LAMA2: variants seen among roughly 807,000 people sequenced by gnomAD.
LAMA2 encodes the protein laminin subunit alpha 2, also known as laminin subunit alpha-2.
LAMA2 carries 269 observed loss-of-function variants against 364.8 expected under a neutral mutation model. That is an observed-to-expected ratio of 0.74 (90% confidence interval 0.67 to 0.82). The LOEUF is 0.82. Ranked by LOEUF, LAMA2 falls within the 40% of genes least tolerant of loss-of-function variation. LAMA2 has a pLI of 0.00. For synonymous variants in LAMA2, 1,379 were observed against 1,370.6 expected (o/e 1.01, Z -0.14); for missense variants, 3,807 against 3,873.2 (o/e 0.98, Z 0.45).
intron 1 of LAMA2, among the ~76,000 whole-genome samples, chr6:129,037,830 T>C (rs538717561): frequency 3.9e-4 from 59 of 152,110 alleles, no homozygotes; most frequent in Admixed American, 1.7e-3. Flanking sequence ...CCACCACACC[T>C]GGCTAATTTT....
intron 14 of LAMA2, among the ~76,000 whole-genome samples, chr6:129,257,971 T>G (rs1038279625): frequency 2.0e-5 from 3 of 152,106 alleles, no homozygotes; most frequent in African/African-American, 4.8e-5. Context: ...ATTTATTATT[T>G]AAGTATTTAG....
At chr6:128,923,256 G>A (rs1778857254) in intron 1 of LAMA2, among the ~76,000 whole-genome samples, 1 of 151,600 alleles carries the variant, frequency 6.6e-6, no homozygotes, top group South Asian at 2.1e-4. Flanking sequence ...AAAGTCATTG[G>A]TAGCTTGATG....
At chr6:128,989,957 C>T (rs1783504000) in intron 1 of LAMA2, among the ~76,000 whole-genome samples, 1 of 152,086 alleles carries the variant, frequency 6.6e-6, no homozygotes, top group African/African-American at 2.4e-5. Context: ...TGGTCACCTC[C>T]CTAAAGCCCC....
chr6:128,977,366 C>A (rs1782600038), intron 1 of LAMA2, among the ~76,000 whole-genome samples: 1 of 150,338 alleles, frequency 6.7e-6, no homozygotes, highest in African/African-American at 2.5e-5. Flanking sequence ...CTCAAGCAAT[C>A]CTTCCACCTC....
chr6:128,975,123 A>T (rs937874113), intron 1 of LAMA2, among the ~76,000 whole-genome samples: 1 of 152,168 alleles, frequency 6.6e-6, no homozygotes, highest in Non-Finnish European at 1.5e-5. Context: ...AAGTGCTGGG[A>T]TTACAGGCCT....
At chr6:129,293,173 C>T in intron 20 of LAMA2, 1 of 692,170 alleles carries the variant, frequency 1.4e-6, no homozygotes. Context: ...GCTAAGTGTG[C>T]AAATTGCAAA....
chr6:129,446,517 G>C (rs1464956285), intron 45 of LAMA2, among the ~76,000 whole-genome samples: 1 of 55,478 alleles, frequency 1.8e-5, no homozygotes, highest in African/African-American at 7.0e-5. Context: ...GGGGAGGAGA[G>C]GGGAGGGGAG....
rs114617501 is a variant in LAMA2, at chr6:129,424,281, A to G, written c.5866-3471A>G. On this transcript the variant is annotated intron_variant, in intron 40 of 64. Transcript: ENST00000421865. ...AAAAATATAAAACATCTAAAAATATATAAGAAAAATCTTTGTGATCTTGGG... is the reference window on the plus strand; with the variant it reads ...AAAAATATAAAACATCTAAAAATATGTAAGAAAAATCTTTGTGATCTTGGG... 2.8e-3 allele frequency among the ~76,000 whole-genome samples: 432 copies of G among 152,112 alleles called. 3 individuals carry two copies. The highest frequency in any genetic ancestry group is 9.8e-3 in the African/African-American group (409 of 41,540).
chr6:129,254,976 C>G (rs1338961380), intron 14 of LAMA2, among the ~76,000 whole-genome samples: 1 of 152,062 alleles, frequency 6.6e-6, no homozygotes, highest in Non-Finnish European at 1.5e-5. Flanking sequence ...TTCTCTAATC[C>G]TGGAGGGTAG....
chr6:129,416,858 G>A (rs575711051), intron 40 of LAMA2, among the ~76,000 whole-genome samples: 86 of 152,310 alleles, frequency 5.6e-4, no homozygotes, highest in African/African-American at 1.9e-3. Context: ...ACAGCTAAGC[G>A]TGCCAGCTGC....
intron 19 of LAMA2, among the ~76,000 whole-genome samples, chr6:129,290,604 T>C (rs1487055289): frequency 6.6e-6 from 1 of 152,176 alleles, no homozygotes; most frequent in East Asian, 1.9e-4. Flanking sequence ...ATTCAGAAAT[T>C]TAACAAAATC....
rs993652081 is a variant in LAMA2, at chr6:129,309,902, A to ATT, written c.3175-2945_3175-2944dup. ...AGAAATAAAGCTAATCCTGATAATC[A>ATT]TTTTTTTTTTTTTTTGAGACGGAGT... On this transcript the variant is annotated intron_variant, in intron 22 of 64. Coordinates refer to ENST00000421865, the MANE Select transcript of LAMA2 (RefSeq NM_000426.4). 2.2e-4 allele frequency among the ~76,000 whole-genome samples: 30 copies of ATT among 135,772 alleles called. 1 individual carries two copies. Among genetic ancestry groups the ATT allele is most frequent in the African/African-American group, 5.7e-4 (20 of 35,392 alleles). 89.1% of individuals were successfully genotyped at this position (135,772 alleles called of 152,430 possible). A position where few individuals can be genotyped will look rare whatever the true frequency, so the allele number is the denominator to read the frequency against.
intron 52 of LAMA2, 81 bp from the exon 53 acceptor site, chr6:129,475,309 T>G: frequency 1.2e-6 from 1 of 856,998 alleles, no homozygotes; most frequent in Non-Finnish European, 1.8e-6. Flanking sequence ...GATTAAAGTT[T>G]ATTGTTTTAC....
At chr6:129,213,901 TAG>T (rs1337128363) in intron 12 of LAMA2, among the ~76,000 whole-genome samples, 1 of 152,158 alleles carries the variant, frequency 6.6e-6, no homozygotes, top group African/African-American at 2.4e-5. Context: ...ATCTTGACTT[TAG>T]TGTTATATAT....
chr6:128,988,387 A>G (rs1186788259), intron 1 of LAMA2, among the ~76,000 whole-genome samples: 1 of 152,188 alleles, frequency 6.6e-6, no homozygotes, highest in Non-Finnish European at 1.5e-5. Context: ...TTCTCTATCA[A>G]ATGTACTTTT....
chr6:129,400,679 A>G (rs1199873379), intron 37 of LAMA2, among the ~76,000 whole-genome samples: 1 of 152,236 alleles, frequency 6.6e-6, no homozygotes, highest in Admixed American at 6.5e-5. Context: ...ATATGTTCCA[A>G]AGAAAAATTA....
In LAMA2 at chr6:129,502,686, G is replaced by T; in HGVS notation, c.8272G>T (p.Ala2758Ser). The T allele has an allele frequency of 6.2e-7, 1 of 1,613,958 alleles. No homozygotes were observed. Among genetic ancestry groups the T allele is most frequent in the South Asian group, 1.1e-5 (1 of 91,074 alleles). Residue 2758 changes from alanine to serine, a missense_variant, in exon 59 of 65, where the codon GCT (alanine) becomes TCT (serine). Ala to Ser is a moderately conservative substitution (Grantham distance 99, BLOSUM62 1). Transcript: ENST00000421865. ...TCCTTGTGCTGCAGAATCAGAACCA[G>T]CTCTTTTGATAGGGAGCAAGCAGTT... Reference protein sequence around the residue: ...HGPCAAESEPALLIGSKQFGL... With the variant: ...HGPCAAESEPSLLIGSKQFGL...
At chr6:129,490,844 CCTT>C (rs1562613150) in intron 56 of LAMA2, 1 of 152,106 alleles carries the variant, frequency 6.6e-6, no homozygotes, top group Non-Finnish European at 1.5e-5. Flanking sequence ...TTTACCGGTC[CCTT>C]CTTCACCCCC....
chr6:129,126,214 C>G (rs2114927553), intron 4 of LAMA2, among the ~76,000 whole-genome samples: 1 of 152,192 alleles, frequency 6.6e-6, no homozygotes, highest in Non-Finnish European at 1.5e-5. Context: ...ACCAGAAAAA[C>G]AATTATACTT....
Sources: gnomAD v4.1 joint callset for allele counts (sites outside exome capture counted in the v4.1 genomes callset) on GRCh38, gnomAD v4.1.1 for gene constraint, MANE v1.5 for transcripts, NCBI Gene and HGNC (gene_info 2026-07-23, HGNC 2026-07-21) for gene names.